CABLES1: variants seen among roughly 807,000 people sequenced by gnomAD.
CABLES1 encodes the protein Cdk5 and Abl enzyme substrate 1, also known as CDK5 and ABL1 enzyme substrate 1.
A neutral mutation model predicts 57.8 loss-of-function variants in CABLES1; 36 were observed. The ratio of observed to expected loss-of-function variants is 0.62; its 90% confidence interval spans 0.48 to 0.82. The LOEUF (loss-of-function observed/expected upper bound fraction) is 0.82. CABLES1 is among the 40% of genes least tolerant of loss of function. CABLES1 has a pLI of 0.00. For synonymous variants in CABLES1, 374 were observed against 363.0 expected (o/e 1.03, Z -0.35); for missense variants, 767 against 836.6 (o/e 0.92, Z 1.03).
chr18:23,204,950 G>A (rs1405027955), intron 3 of CABLES1, among the ~76,000 whole-genome samples: 1 of 152,194 alleles, frequency 6.6e-6, no homozygotes, highest in African/African-American at 2.4e-5. Flanking sequence ...GATTTGGGTG[G>A]GGACACAGCC....
At chr18:23,225,760 T>C (rs1264186896) in intron 4 of CABLES1, among the ~76,000 whole-genome samples, 1 of 152,244 alleles carries the variant, frequency 6.6e-6, no homozygotes, top group Non-Finnish European at 1.5e-5. Context: ...TCTTTTCTAG[T>C]GTGGATTTGT....
At chr18:23,224,237 C>G (rs1404745039) in intron 4 of CABLES1, among the ~76,000 whole-genome samples, 1 of 151,814 alleles carries the variant, frequency 6.6e-6, no homozygotes, top group Non-Finnish European at 1.5e-5. Context: ...GCACAAGTAG[C>G]CCATTCATCC....
At chr18:23,232,758 G>A (rs959818363) in intron 4 of CABLES1, among the ~76,000 whole-genome samples, 1 of 152,184 alleles carries the variant, frequency 6.6e-6, no homozygotes, top group Non-Finnish European at 1.5e-5. Flanking sequence ...GGGCACAGAA[G>A]GTCTTGGGCA....
intron 7 of CABLES1, among the ~76,000 whole-genome samples, chr18:23,241,199 T>C (rs761666609): frequency 2.0e-5 from 3 of 152,170 alleles, no homozygotes; most frequent in Non-Finnish European, 4.4e-5. Flanking sequence ...TTTCCCCATG[T>C]CATGTGTGTC....
chr18:23,154,388 G>A (rs746730989), intron 1 of CABLES1, among the ~76,000 whole-genome samples: 6 of 152,136 alleles, frequency 3.9e-5, no homozygotes, highest in Non-Finnish European at 7.3e-5. Flanking sequence ...TCATAATAGC[G>A]TGCCTGTTTA....
chr18:23,174,844 A>G (rs1400417186), intron 1 of CABLES1, among the ~76,000 whole-genome samples: 2 of 141,324 alleles, frequency 1.4e-5, no homozygotes, highest in Non-Finnish European at 3.1e-5. Context: ...ATATATATAT[A>G]TATATATATA....
At chr18:23,181,492 G>A (rs1022383220) in intron 1 of CABLES1, among the ~76,000 whole-genome samples, 8 of 34,098 alleles carry the variant, frequency 2.3e-4, no homozygotes, top group African/African-American at 5.5e-4. Context: ...GCAAAGCTTC[G>A]TCTCAAAAAA....
At chr18:23,174,996 C>T (rs2047113172) in intron 1 of CABLES1, among the ~76,000 whole-genome samples, 1 of 151,738 alleles carries the variant, frequency 6.6e-6, no homozygotes, top group Admixed American at 6.6e-5. Flanking sequence ...TTTGCAGTTA[C>T]GCTTCACCTG....
At chr18:23,154,498 C>T (rs1598801660) in intron 1 of CABLES1, among the ~76,000 whole-genome samples, 1 of 152,206 alleles carries the variant, frequency 6.6e-6, no homozygotes, top group African/African-American at 2.4e-5. Context: ...GAGGGGGAGA[C>T]GATATTTAAC....
At chr18:23,219,139 T>C in intron 4 of CABLES1, 10 of 453,642 alleles carry the variant, frequency 2.2e-5, no homozygotes, top group South Asian at 1.6e-4. Flanking sequence ...ACCTGCAGCC[T>C]GGTGAGCACC....
At chr18:23,143,168 CT>C (rs1380819580) in intron 1 of CABLES1, among the ~76,000 whole-genome samples, 6 of 152,172 alleles carry the variant, frequency 3.9e-5, no homozygotes, top group Non-Finnish European at 2.9e-5. Context: ...TCAGTTTCCA[CT>C]TTTCTGTCAT....
rs1248820793 is a variant in CABLES1, at chr18:23,189,051, G to GT, written c.917+143dup. 6 of 609,410 alleles carry GT rather than the reference G, an allele frequency of 9.8e-6. No individual in the cohort carries two copies. The African/African-American group carries it at 1.1e-4, about 11-fold the overall frequency. 37.8% of individuals were successfully genotyped at this position (609,410 alleles called of 1,614,324 possible). A position where few individuals can be genotyped will look rare whatever the true frequency, so the allele number is the denominator to read the frequency against. ...TCCAGGGACTATGGGACATCTCCTA[G>GT]TGTCTAACCCACCTCTGAAGACCAC... On this transcript the variant is annotated intron_variant, in intron 2 of 9. Coordinates refer to ENST00000256925, the MANE Select transcript of CABLES1 (RefSeq NM_001100619.3).
chr18:23,201,179 A>G (rs2047322830), intron 3 of CABLES1, among the ~76,000 whole-genome samples: 1 of 152,256 alleles, frequency 6.6e-6, no homozygotes, highest in Non-Finnish European at 1.5e-5. Flanking sequence ...TGCTGATTAT[A>G]GCGCAGGATA....
rs146357947 is a variant in CABLES1 at position 23,203,004 on chromosome 18, T to G, written c.1010+8464T>G. Among the ~76,000 whole-genome samples, 257 of 148,926 alleles carry G rather than the reference T, an allele frequency of 1.7e-3. 8 individuals carry two copies. In the East Asian group the frequency reaches 0.04, roughly 23 times the overall value. ...TCCATCAAAAAAAAAAAAAAAAGAC[T>G]GGAGACACTCAGTGGCTTTTGTGAC... On this transcript the variant is annotated intron_variant, in intron 3 of 9. Transcript: ENST00000256925.
intron 4 of CABLES1, among the ~76,000 whole-genome samples, chr18:23,229,284 C>T (rs1264184012): frequency 2.6e-5 from 4 of 152,124 alleles, no homozygotes; most frequent in African/African-American, 4.8e-5. Context: ...TGGTGGCAGG[C>T]GCCTGTAATC....
chr18:23,232,949 A>G (rs1438963902), intron 4 of CABLES1, among the ~76,000 whole-genome samples: 2 of 151,218 alleles, frequency 1.3e-5, no homozygotes, highest in Non-Finnish European at 2.9e-5. Flanking sequence ...CTCTCTTCTT[A>G]CCTGATGACT....
At chr18:23,236,260 C>T (rs2047610696) in intron 6 of CABLES1, among the ~76,000 whole-genome samples, 1 of 152,190 alleles carries the variant, frequency 6.6e-6, no homozygotes, top group Non-Finnish European at 1.5e-5. Flanking sequence ...CGTTGACAGC[C>T]TGAGCTTCCA....
At chr18:23,153,658 C>T (rs548120356) in intron 1 of CABLES1, among the ~76,000 whole-genome samples, 4 of 152,114 alleles carry the variant, frequency 2.6e-5, no homozygotes, top group African/African-American at 9.6e-5. Flanking sequence ...CGCTTGAACC[C>T]GGGAGGTGGA....
At chr18:23,164,524 G>A (rs1464867524) in intron 1 of CABLES1, among the ~76,000 whole-genome samples, 1 of 152,036 alleles carries the variant, frequency 6.6e-6, no homozygotes, top group South Asian at 2.1e-4. Context: ...TATGTTAAGT[G>A]TAACCAAAGA....
Sources: gnomAD v4.1 joint callset for allele counts (sites outside exome capture counted in the v4.1 genomes callset) on GRCh38, gnomAD v4.1.1 for gene constraint, MANE v1.5 for transcripts, NCBI Gene and HGNC (gene_info 2026-07-23, HGNC 2026-07-21) for gene names.